The following UNC45B variants were observed in gnomAD, a reference collection of about 807,000 sequenced individuals.
UNC45B encodes protein unc-45 homolog B.
A neutral mutation model predicts 98.7 loss-of-function variants in UNC45B; 78 were observed. The ratio of observed to expected loss-of-function variants is 0.79; its 90% CI spans 0.66 to 0.95. UNC45B has a LOEUF of 0.95. Among genes scored for constraint, UNC45B ranks in the 40% least tolerant of loss-of-function variants. The pLI is 0.00. For synonymous variants in UNC45B, 462 were observed against 480.4 expected, an observed-to-expected ratio of 0.96 and a Z score of 0.50; for missense variants, 1,225 against 1,184.9, an observed-to-expected ratio of 1.03 and a Z score of -0.50.
chr17:35,159,437 G>A lies in UNC45B; in HGVS notation c.871G>A (p.Val291Met). 3 of 1,614,162 alleles carry A rather than the reference G, an allele frequency of 1.9e-6. No individual in the cohort carries two copies. Among genetic ancestry groups the A allele is most frequent in the Non-Finnish European group, 2.5e-6 (3 of 1,180,028 alleles). Residue 291 changes from valine (V) to methionine (M), a missense_variant, in exon 8 of 20, where the codon GTG (valine) becomes ATG (methionine). Transcript: ENST00000394570. ...HLLDMLVSKK[V>M]SGQGRDQALN... is the part of the protein sequence containing the mutation. ...GCTGGACATGCTAGTCAGCAAGAAG[G>A]TGTCTGGCCAGGGCAGGGATCAGGC...
At chr17:35,157,711 C>T (rs1477380047) in intron 7 of UNC45B, among the ~76,000 whole-genome samples, 4 of 152,186 alleles carry the variant, frequency 2.6e-5, no homozygotes. Context: ...AGATATTTGC[C>T]TATCCAGTAG....
chr17:35,158,186 T>C lies in UNC45B; in HGVS notation c.809-1189T>C, dbSNP rs1237332623. On this transcript the variant is annotated intron_variant, in intron 7 of 19. Transcript: ENST00000394570. ...CGCCCAGCCCTGAAGTCCTGGATTC[T>C]TGATGTGACTCTGACTTACTATTAT... Among the ~76,000 whole-genome samples the C allele has an allele frequency of 2.0e-5, 3 of 152,254 alleles. No individual in the cohort carries two copies. The East Asian group carries it at 5.8e-4, about 29-fold the overall frequency.
In UNC45B at chr17:35,168,212, G is replaced by T; in HGVS notation, c.1303G>T (p.Glu435Ter). 6.3e-7 allele frequency: 1 copy of T among 1,597,172 alleles called. No homozygotes were observed. Among genetic ancestry groups the T allele is most frequent in the Non-Finnish European group, 8.5e-7 (1 of 1,171,056 alleles). The change falls in exon 10 of 20, where the codon GAG (glutamate) becomes TAG (stop). Residue 435 changes from glutamate (E) to a stop codon, truncating the protein, a stop_gained. Coordinates refer to ENST00000394570, the MANE Select transcript of UNC45B (RefSeq NM_001267052.2). LOFTEE classifies it high-confidence loss of function. ...MMVALCGSER[E>*]TDQLVAVEAL... ...GGTGGCACTATGTGGCTCAGAGCGC[G>T]AGACGGACCAGCTGGTGGCCGTGGA...
At position 35,180,253 on chromosome 17, in the gene UNC45B, T is replaced by TGAGA. The variant is rs56300196; in HGVS notation, c.2256-273_2256-270dup. On this transcript the variant is annotated intron_variant, in intron 17 of 19. Coordinates refer to ENST00000394570, the MANE Select transcript of UNC45B (RefSeq NM_001267052.2). Reference sequence around the variant, plus strand: ...CATCTTCTTGGATCTACATCCAGGATGAGAGAGAGAGAGAGAGAGAGAGAG... The same window carrying TGAGA: ...CATCTTCTTGGATCTACATCCAGGATGAGAGAGAGAGAGAGAGAGAGAGAGAGAG... Among the ~76,000 whole-genome samples the TGAGA allele has an allele frequency of 0.21, 29,725 of 139,692 alleles. 3,375 individuals are homozygous for TGAGA. The highest frequency in any genetic ancestry group is 0.27 in the Middle Eastern group (78 of 284). The allele number at this position is 139,692 out of a possible 152,430, so 91.6% of individuals were successfully genotyped here.
chr17:35,160,602 G>A (rs1658018539), intron 8 of UNC45B, among the ~76,000 whole-genome samples: 1 of 152,130 alleles, frequency 6.6e-6, no homozygotes, highest in South Asian at 2.1e-4. Flanking sequence ...ATCATGCCGG[G>A]CTAATGTTTT....
chr17:35,187,729 AT>A lies in UNC45B; in HGVS notation c.*1171del, dbSNP rs1356259011. ...GGGCAGATCAAAGAACATATTCTGT[AT>A]GTCAGGCTTGGCCACAAAAGAATGA... is the stretch of plus-strand genomic sequence containing the variant. On this transcript the variant is annotated 3_prime_UTR_variant, in exon 20 of 20. Transcript: ENST00000394570. The A allele has an allele frequency of 1.3e-5, 2 of 152,248 alleles. No individual in the cohort carries two copies. The highest frequency in any genetic ancestry group is 4.8e-5 in the African/African-American group (2 of 41,468). The allele number at this position is 152,248 out of a possible 1,614,324, so 9.4% of individuals were successfully genotyped here.
chr17:35,170,389 C>A, intron 12 of UNC45B, 134 bp downstream of exon 12: 1 of 1,094,228 alleles, frequency 9.1e-7, no homozygotes, highest in Non-Finnish European at 1.2e-6. Flanking sequence ...GGTTATTTCC[C>A]CCTTTCTGGC....
chr17:35,181,938 G>C (rs1044981607), intron 18 of UNC45B, among the ~76,000 whole-genome samples: 1 of 152,064 alleles, frequency 6.6e-6, no homozygotes, highest in Non-Finnish European at 1.5e-5. Context: ...GAGGCTGAGA[G>C]GTTGAGAGAG....
In UNC45B at chr17:35,174,881, G is replaced by A. The variant is rs147096800; in HGVS notation, c.1958+512G>A. The stretch of plus-strand genomic sequence containing the variant: ...AGAGAGAGAGAAAGGAAGGGATGGC[G>A]GAAGGAAAAAAGGAAGGAGGGAAGG... On this transcript the variant is annotated intron_variant, in intron 14 of 19. Transcript: ENST00000394570. Among the ~76,000 whole-genome samples, 1,393 of 148,968 alleles carry A rather than the reference G, an allele frequency of 9.4e-3. 13 individuals are homozygous for A. Among genetic ancestry groups the A allele is most frequent in the Non-Finnish European group, 0.015 (989 of 67,296 alleles).
rs116731112 is a variant in UNC45B, at chr17:35,156,727, G to A, written c.808+1263G>A. Among the ~76,000 whole-genome samples the A allele has an allele frequency of 6.5e-3, 981 of 152,088 alleles. 9 individuals are homozygous for A. The highest frequency in any genetic ancestry group is 0.022 in the African/African-American group (931 of 41,486). On this transcript the variant is annotated intron_variant, in intron 7 of 19. Coordinates refer to ENST00000394570, the MANE Select transcript of UNC45B (RefSeq NM_001267052.2). ...GACATTTGGGAAAATATAGAACTAC[G>A]TAAAAATGAGAATAAATGCCTATAA... is the stretch of plus-strand genomic sequence containing the variant.
At position 35,168,018 on chromosome 17, in the gene UNC45B, C is replaced by T. The variant is rs1015568713; in HGVS notation, c.1152-43C>T. ...CTCCAAATCTCACACTCTTTCCACT[C>T]TCTTGGACCAGTTCTCTTGACCACC... On this transcript the variant is annotated intron_variant, in intron 9 of 19. Transcript: ENST00000394570. 6 of 1,423,722 alleles carry T rather than the reference C, an allele frequency of 4.2e-6. No homozygotes were observed. The African/African-American group carries it at 7.3e-5, about 17-fold the overall frequency. 88.2% of individuals were successfully genotyped at this position (1,423,722 alleles called of 1,614,324 possible). A position where few individuals can be genotyped will look rare whatever the true frequency, so the allele number is the denominator to read the frequency against.
intron 14 of UNC45B, 140 bp downstream of exon 14, chr17:35,174,509 G>A: frequency 7.9e-7 from 1 of 1,271,946 alleles, no homozygotes; most frequent in Non-Finnish European, 1.1e-6. Flanking sequence ...AGAAAGGTCT[G>A]AGGGGATCAG....
At chr17:35,151,226 A>G in intron 4 of UNC45B, 1 of 283,328 alleles carries the variant, frequency 3.5e-6, no homozygotes, top group Non-Finnish European at 6.9e-6. Flanking sequence ...GCTTAAATTC[A>G]GCGGGTCGCC....
At chr17:35,176,859 T>G (rs770027630) in intron 15 of UNC45B, among the ~76,000 whole-genome samples, 158 bp from the exon 16 acceptor site, 1 of 152,162 alleles carries the variant, frequency 6.6e-6, no homozygotes, top group Non-Finnish European at 1.5e-5. Context: ...AATATGTGAT[T>G]AAGGATTTAA....
chr17:35,168,189 T>C lies in UNC45B; in HGVS notation c.1280T>C (p.Val427Ala), dbSNP rs2092154989. The change falls in exon 10 of 20, where the codon GTG becomes GCG. Residue 427 changes from valine (V) to alanine (A), a missense_variant. Coordinates refer to ENST00000394570, the MANE Select transcript of UNC45B (RefSeq NM_001267052.2). ...LGLKGVMEMM[V>A]ALCGSERETD... ...CTGAAAGGTGTGATGGAGATGATGG[T>C]GGCACTATGTGGCTCAGAGCGCGAG... The C allele has an allele frequency of 6.2e-7, 1 of 1,605,814 alleles. No homozygotes were observed. The highest frequency in any genetic ancestry group is 8.5e-7 in the Non-Finnish European group (1 of 1,175,758).
chr17:35,171,489 G>A, intron 13 of UNC45B, 27 bp downstream of exon 13: 1 of 1,610,958 alleles, frequency 6.2e-7, no homozygotes, highest in Non-Finnish European at 8.5e-7. Context: ...CCCGGGAGGG[G>A]TCTGGTCTGT....
At chr17:35,177,681 T>C (rs1052716109) in intron 17 of UNC45B, 71 bp downstream of exon 17, 2 of 1,168,456 alleles carry the variant, frequency 1.7e-6, no homozygotes, top group Non-Finnish European at 2.5e-6. Flanking sequence ...TTTCACATAA[T>C]GTGCTGAGAA....
At chr17:35,177,408 G>A in intron 16 of UNC45B, 87 bp from the exon 17 acceptor site, 5 of 950,292 alleles carry the variant, frequency 5.3e-6, no homozygotes, top group Non-Finnish European at 8.0e-6. Context: ...AAGTGCTTTG[G>A]AAACTTTACA....
At chr17:35,147,958 A>C (rs1391889000) in intron 1 of UNC45B, 48 bp downstream of exon 1, 5 of 343,590 alleles carry the variant, frequency 1.5e-5, no homozygotes, top group African/African-American at 1.0e-4. Context: ...GGAGACGGCA[A>C]ACTTCTAAGA....
Sources: gnomAD v4.1 joint callset for allele counts (sites outside exome capture counted in the v4.1 genomes callset) on GRCh38, gnomAD v4.1.1 for gene constraint, MANE v1.5 for transcripts, NCBI Gene and HGNC (gene_info 2026-07-23, HGNC 2026-07-21) for gene names.